Variants in CFAP47 observed in about 807,000 individuals in gnomAD.
CFAP47 encodes cilia and flagella associated protein 47, also known as cilia- and flagella-associated protein 47.
In CFAP47, 29 loss-of-function variants were observed where a neutral mutation model predicts 148.1. The observed-to-expected ratio is 0.20, with a 90% CI of 0.15 to 0.27. CFAP47 has a LOEUF of 0.27. Among genes scored for constraint, CFAP47 ranks in the 10% least tolerant of loss-of-function variants. The pLI, the probability that CFAP47 is intolerant of heterozygous loss-of-function variation, is 1.00. For missense variants in CFAP47, 1,872 were observed against 1,697.5 expected (o/e 1.10, Z -1.81); for synonymous variants, 664 against 577.3 (o/e 1.15, Z -2.15).
At chrX:36,260,032 A>G (rs1161209692) in intron 49 of CFAP47, among the ~76,000 whole-genome samples, 5 of 110,984 alleles carry the variant, frequency 4.5e-5, no homozygotes, top group Admixed American at 9.6e-5. Context: ...TGTTGCTTCA[A>G]ATGACACAAT....
chrX:36,176,161 G>A (rs992998784), intron 39 of CFAP47, among the ~76,000 whole-genome samples: 5 of 78,174 alleles, frequency 6.4e-5, no homozygotes, highest in African/African-American at 9.5e-5. Flanking sequence ...GCTTCGGCTC[G>A]TGCATGGTGT....
chrX:36,344,948 T>C (rs782370640), intron 57 of CFAP47, among the ~76,000 whole-genome samples: 1 of 112,087 alleles, frequency 8.9e-6, no homozygotes, highest in Non-Finnish European at 1.9e-5. Flanking sequence ...GCGTACTCTT[T>C]CATTACCTTG....
chrX:36,145,474 G>A, intron 36 of CFAP47, 121 bp downstream of exon 36: 2 of 283,563 alleles, frequency 7.1e-6, no homozygotes. Context: ...TATTAAAAGT[G>A]AATAAGCCTT....
intron 2 of CFAP47, among the ~76,000 whole-genome samples, chrX:35,932,268 T>C (rs1346448685): frequency 2.9e-5 from 3 of 104,278 alleles, no homozygotes; most frequent in South Asian, 4.3e-4. Flanking sequence ...TTCTTTCTTT[T>C]TTTTTTTTTG....
intron 49 of CFAP47, among the ~76,000 whole-genome samples, chrX:36,256,498 C>T (rs1940754196): frequency 9.0e-6 from 1 of 111,610 alleles, no homozygotes; most frequent in African/African-American, 3.3e-5. Context: ...TAATTTGCTC[C>T]AGTTGTTCTT....
At chrX:36,132,955 C>G (rs5973584) in intron 33 of CFAP47, among the ~76,000 whole-genome samples, 10,914 of 111,477 alleles carry the variant, frequency 0.098, 1,048 homozygotes, top group African/African-American at 0.3. Context: ...AGCAAATTCT[C>G]TGTTTTTCTT....
intron 2 of CFAP47, among the ~76,000 whole-genome samples, chrX:35,930,123 TAA>T (rs1935805094): frequency 8.9e-6 from 1 of 112,162 alleles, no homozygotes; most frequent in Non-Finnish European, 1.9e-5. Flanking sequence ...TCTAAATTGC[TAA>T]GAGTTTTTAT....
At chrX:36,233,707 C>T (rs1209427936) in intron 46 of CFAP47, among the ~76,000 whole-genome samples, 1 of 111,398 alleles carries the variant, frequency 9.0e-6, no homozygotes, top group Non-Finnish European at 1.9e-5. Flanking sequence ...TTCTTCCTAG[C>T]CTTGACGGTC....
intron 45 of CFAP47, among the ~76,000 whole-genome samples, chrX:36,222,980 A>G (rs1044008602): frequency 9.0e-6 from 1 of 110,541 alleles, no homozygotes; most frequent in Admixed American, 9.7e-5. Flanking sequence ...TTAGCACCAT[A>G]CTCTTGATGC....
intron 30 of CFAP47, among the ~76,000 whole-genome samples, chrX:36,095,813 G>C (rs1454074195): frequency 9.0e-6 from 1 of 111,172 alleles, no homozygotes; most frequent in African/African-American, 3.3e-5. Context: ...TGTCAAAAAA[G>C]CAACCTTTGT....
chrX:35,936,049 G>A (rs760404064), intron 2 of CFAP47, among the ~76,000 whole-genome samples: 6 of 111,919 alleles, frequency 5.4e-5, no homozygotes, highest in African/African-American at 9.7e-5. Context: ...GTCAGTGTCT[G>A]TTGCCAAGTT....
At chrX:36,166,270 G>A (rs1455049134) in intron 39 of CFAP47, among the ~76,000 whole-genome samples, 2 of 109,935 alleles carry the variant, frequency 1.8e-5, no homozygotes, top group African/African-American at 3.3e-5. Context: ...CCATACATAC[G>A]TCAGATTCTA....
chrX:36,247,721 C>A (rs1940634719), intron 48 of CFAP47, among the ~76,000 whole-genome samples: 1 of 110,638 alleles, frequency 9.0e-6, no homozygotes. Context: ...AAATATTTTA[C>A]TCAAAATCTG....
intron 56 of CFAP47, 127 bp from the exon 57 acceptor site, chrX:36,319,082 A>T: frequency 3.1e-6 from 1 of 323,925 alleles, no homozygotes. Context: ...TTTAAAATAT[A>T]CTTTGAAAGA....
chrX:36,316,976 G>A (rs782289114), intron 56 of CFAP47, among the ~76,000 whole-genome samples: 2 of 111,449 alleles, frequency 1.8e-5, no homozygotes, highest in South Asian at 3.7e-4. Flanking sequence ...TTATAGGGAC[G>A]AAGTTTTGCC....
rs1259366674 is a variant in CFAP47 at position 35,973,314 on chromosome X, C to T, written c.2254+1349C>T. ...ATGCCATTCTTCTGCCTCAACCTCC[C>T]GAGTAGCTGGGACTACAGGCATCCG... On this transcript the variant is annotated intron_variant, in intron 13 of 63. Transcript: ENST00000378653. Among the ~76,000 whole-genome samples, 8 of 110,602 alleles carry T rather than the reference C, an allele frequency of 7.2e-5. No homozygotes were observed. The South Asian group carries it at 1.2e-3, about 16-fold the overall frequency.
chrX:36,117,149 A>G (rs780609231), intron 33 of CFAP47, among the ~76,000 whole-genome samples: 48 of 112,264 alleles, frequency 4.3e-4, no homozygotes, highest in Non-Finnish European at 7.5e-4. Flanking sequence ...TTATTCATTC[A>G]TCTCTTGATG....
At chrX:35,964,275 A>G (rs1463281091) in intron 8 of CFAP47, among the ~76,000 whole-genome samples, 1 of 111,497 alleles carries the variant, frequency 9.0e-6, no homozygotes, top group African/African-American at 3.2e-5. Context: ...CAATATTGGA[A>G]CACACCTCTC....
intron 57 of CFAP47, among the ~76,000 whole-genome samples, chrX:36,347,525 C>A (rs191318179): frequency 8.9e-6 from 1 of 112,031 alleles, no homozygotes; most frequent in African/African-American, 3.2e-5. Context: ...GTCTTGGAAC[C>A]AACCCAAATG....
Sources: gnomAD v4.1 joint callset for allele counts (sites outside exome capture counted in the v4.1 genomes callset) on GRCh38, gnomAD v4.1.1 for gene constraint, MANE v1.5 for transcripts, NCBI Gene and HGNC (gene_info 2026-07-23, HGNC 2026-07-21) for gene names.